Variants in TRPM3 observed in about 807,000 individuals in gnomAD.
TRPM3 encodes the protein long transient receptor potential channel 3.
A neutral mutation model predicts 181.2 loss-of-function variants in TRPM3; 77 were observed. The observed-to-expected ratio is 0.42, with a 90% CI of 0.35 to 0.51. The LOEUF (loss-of-function observed/expected upper bound fraction) is 0.51. Among genes scored for constraint, TRPM3 ranks in the 20% least tolerant of loss-of-function variants. TRPM3 has a pLI of 0.01. For synonymous variants in TRPM3, 745 were observed against 796.4 expected (o/e 0.94, Z 1.09); for missense variants, 1,759 against 2,196.7 (o/e 0.80, Z 3.98).
chr9:70,811,065 C>T (rs2091930542), intron 6 of TRPM3: 2 of 858,360 alleles, frequency 2.3e-6, no homozygotes, highest in Admixed American at 2.5e-5. Flanking sequence ...AAACAACAGT[C>T]ATAGGGAGTG....
chr9:71,205,945 G>A (rs547789942), intron 1 of TRPM3, among the ~76,000 whole-genome samples: 1 of 152,244 alleles, frequency 6.6e-6, no homozygotes, highest in African/African-American at 2.4e-5. Flanking sequence ...TGAAACTCTG[G>A]CTCTTATTCT....
chr9:70,928,302 T>G (rs1266734687), intron 1 of TRPM3, among the ~76,000 whole-genome samples: 1 of 152,210 alleles, frequency 6.6e-6, no homozygotes, highest in Non-Finnish European at 1.5e-5. Context: ...GCATTTAGAC[T>G]TGTCTTAACA....
chr9:71,263,048 T>C (rs1354445707), intron 1 of TRPM3, among the ~76,000 whole-genome samples: 1 of 152,258 alleles, frequency 6.6e-6, no homozygotes, highest in Non-Finnish European at 1.5e-5. Flanking sequence ...TTCACAAACA[T>C]GACGATGGCT....
In TRPM3 at chr9:71,282,374, AGAAAGAAAGAAAG is replaced by A. The variant is rs1234531616; in HGVS notation, c.183+164266_183+164278del. On this transcript the variant is annotated intron_variant, in intron 1 of 24. Transcript: ENST00000357533. ...GAAAGAAAGAAAAAGAAAGAATGAAAGAAAGAAAGAAAGGAAAGAAAGAAAGGAAAAGAAAGAA... is the reference window on the plus strand; with the variant it reads ...GAAAGAAAGAAAAAGAAAGAATGAAAGAAAGAAAGAAAGGAAAAGAAAGAA... Among the ~76,000 whole-genome samples, 20 of 134,006 alleles carry A rather than the reference AGAAAGAAAGAAAG, an allele frequency of 1.5e-4. 1 individual carries two copies. Among genetic ancestry groups the A allele is most frequent in the East Asian group, 3.9e-4 (2 of 5,162 alleles). The allele number at this position is 134,006 out of a possible 152,430, so 87.9% of individuals were successfully genotyped here. A position where few individuals can be genotyped will look rare whatever the true frequency, so the allele number is the denominator to read the frequency against.
intron 9 of TRPM3, among the ~76,000 whole-genome samples, chr9:70,642,698 G>A (rs2058249171): frequency 6.6e-6 from 1 of 152,112 alleles, no homozygotes; most frequent in Non-Finnish European, 1.5e-5. Flanking sequence ...GCTTACCCTC[G>A]CCTCTTCCCT....
At chr9:71,332,114 G>GT (rs2090235348) in intron 1 of TRPM3, among the ~76,000 whole-genome samples, 1 of 151,280 alleles carries the variant, frequency 6.6e-6, no homozygotes, top group Non-Finnish European at 1.5e-5. Flanking sequence ...CAAAATCAAC[G>GT]TATCTATCCA....
chr9:70,803,196 C>T (rs1303777832), intron 6 of TRPM3, among the ~76,000 whole-genome samples: 2 of 151,956 alleles, frequency 1.3e-5, no homozygotes, highest in Admixed American at 1.3e-4. Flanking sequence ...GGACTCGCAG[C>T]ATCCTTGCAT....
At chr9:70,686,159 T>C (rs2066708214) in intron 8 of TRPM3, among the ~76,000 whole-genome samples, 1 of 151,736 alleles carries the variant, frequency 6.6e-6, no homozygotes. Flanking sequence ...TATACACACA[T>C]ACGTATGTAA....
chr9:71,148,385 T>TCATTACTATG (rs2075549837), intron 1 of TRPM3, among the ~76,000 whole-genome samples: 1 of 152,180 alleles, frequency 6.6e-6, no homozygotes, highest in Non-Finnish European at 1.5e-5. Context: ...CTGGGATCTA[T>TCATTACTATG]CATTACTATG....
chr9:70,886,823 C>A (rs1019236381), intron 1 of TRPM3, among the ~76,000 whole-genome samples: 1 of 152,090 alleles, frequency 6.6e-6, no homozygotes, highest in African/African-American at 2.4e-5. Flanking sequence ...CACCACCATA[C>A]CTGGCTAATT....
intron 1 of TRPM3, among the ~76,000 whole-genome samples, chr9:70,885,165 G>C (rs1463098478): frequency 6.6e-6 from 1 of 152,100 alleles, no homozygotes; most frequent in Non-Finnish European, 1.5e-5. Flanking sequence ...ATCCTTGACG[G>C]TGCCATAAGA....
chr9:70,834,405 A>C (rs2094162154), intron 5 of TRPM3, among the ~76,000 whole-genome samples: 2 of 152,190 alleles, frequency 1.3e-5, no homozygotes, highest in African/African-American at 4.8e-5. Flanking sequence ...GCAGTGGGAA[A>C]AGGCTGTTGA....
At chr9:70,779,711 G>T (rs942773339) in intron 7 of TRPM3, among the ~76,000 whole-genome samples, 15 of 152,106 alleles carry the variant, frequency 9.9e-5, no homozygotes, top group Non-Finnish European at 2.1e-4. Flanking sequence ...ATTACTATTT[G>T]GGTAGCATGA....
chr9:70,969,314 A>C (rs1424751005), intron 1 of TRPM3, among the ~76,000 whole-genome samples: 1 of 152,008 alleles, frequency 6.6e-6, no homozygotes, highest in Non-Finnish European at 1.5e-5. Context: ...TAGGAGAAAT[A>C]CCTAATGCAG....
intron 8 of TRPM3, among the ~76,000 whole-genome samples, chr9:70,745,495 T>A (rs1016265198): frequency 9.9e-5 from 15 of 152,210 alleles, no homozygotes; most frequent in Non-Finnish European, 1.2e-4. Context: ...TTGAATTATG[T>A]TATTAAGATG....
At chr9:70,848,313 C>T (rs866337052) in intron 3 of TRPM3, among the ~76,000 whole-genome samples, 4 of 151,276 alleles carry the variant, frequency 2.6e-5, no homozygotes, top group African/African-American at 9.7e-5. Flanking sequence ...TGAGATGCAG[C>T]CAGGAAAACA....
intron 12 of TRPM3, among the ~76,000 whole-genome samples, chr9:70,627,264 GCTTTT>G (rs2064823273): frequency 9.5e-6 from 1 of 105,006 alleles, no homozygotes; most frequent in African/African-American, 3.2e-5. Context: ...CTCCATTGCT[GCTTTT>G]TTTTTTTTTT....
At chr9:71,115,947 CCT>C (rs956306652) in intron 1 of TRPM3, among the ~76,000 whole-genome samples, 2 of 152,128 alleles carry the variant, frequency 1.3e-5, no homozygotes, top group Non-Finnish European at 2.9e-5. Context: ...GACCATTTTC[CCT>C]CTCTGCTGGG....
At chr9:70,926,292 T>C (rs1033106934) in intron 1 of TRPM3, among the ~76,000 whole-genome samples, 1 of 152,164 alleles carries the variant, frequency 6.6e-6, no homozygotes, top group Non-Finnish European at 1.5e-5. Flanking sequence ...GAATAAGCAA[T>C]ATTTTTAAAA....
Sources: allele counts gnomAD v4.1 joint callset (sites outside exome capture counted in the v4.1 genomes callset), GRCh38; gene constraint gnomAD v4.1.1; transcripts MANE v1.5; gene names NCBI Gene and HGNC (gene_info 2026-07-23, HGNC 2026-07-21).